The following ZNF131 variants were observed in gnomAD, a reference collection of about 807,000 sequenced individuals.
The protein encoded by ZNF131 is zinc finger and BTB domain containing 35, also known as zinc finger protein 131.
In ZNF131, 7 loss-of-function variants were observed where a neutral mutation model predicts 60.0. The ratio of observed to expected loss-of-function variants is 0.12; its 90% CI spans 0.07 to 0.22. ZNF131 has a LOEUF of 0.22. Ranked by LOEUF, ZNF131 falls within the 10% of genes least tolerant of loss-of-function variation. The pLI is 1.00. For synonymous variants in ZNF131, 257 were observed against 253.2 expected (o/e 1.01, Z -0.14); for missense variants, 493 against 740.9 (o/e 0.67, Z 3.88).
chr5:43,135,883 C>T (rs576729519), intron 3 of ZNF131, among the ~76,000 whole-genome samples: 8 of 151,852 alleles, frequency 5.3e-5, no homozygotes, highest in South Asian at 4.2e-4. Context: ...TTTGGGAGGC[C>T]GAGGCGGGCA....
intron 4 of ZNF131, among the ~76,000 whole-genome samples, chr5:43,151,238 A>T (rs1428781837): frequency 1.3e-5 from 2 of 152,144 alleles, no homozygotes; most frequent in Non-Finnish European, 2.9e-5. Flanking sequence ...TAATTGGATT[A>T]CTCCTATTAG....
chr5:43,159,707 A>AAC (rs1749404267), intron 4 of ZNF131, among the ~76,000 whole-genome samples: 1 of 151,518 alleles, frequency 6.6e-6, no homozygotes, highest in Non-Finnish European at 1.5e-5. Flanking sequence ...AAAAAAAAAA[A>AAC]AAAAAACCAA....
At chr5:43,151,794 G>A (rs1170891882) in intron 4 of ZNF131, among the ~76,000 whole-genome samples, 1 of 152,138 alleles carries the variant, frequency 6.6e-6, no homozygotes. Context: ...AAGAAGCACA[G>A]TCCCAGGGGC....
chr5:43,153,351 G>A (rs976888852), intron 4 of ZNF131, among the ~76,000 whole-genome samples: 4 of 151,702 alleles, frequency 2.6e-5, no homozygotes, highest in South Asian at 2.1e-4. Flanking sequence ...CGGGCCAGGC[G>A]CGGTGGTTAA....
chr5:43,161,935 A>G lies in ZNF131; in HGVS notation c.1054+4A>G. On this transcript the variant is annotated splice_donor_region_variant and intron_variant, in intron 5 of 6. Coordinates refer to ENST00000682664, the MANE Select transcript of ZNF131 (RefSeq NM_001330707.2). ...GAACATCTTCGAAAACATACAGGTA[A>G]TGAGCAAATACTTTGTTAAAATTTT... is the stretch of plus-strand genomic sequence containing the variant. 1 of 1,565,688 alleles carries G rather than the reference A, an allele frequency of 6.4e-7. No homozygotes were observed. The highest frequency in any genetic ancestry group is 1.4e-5 in the African/African-American group (1 of 72,704).
intron 3 of ZNF131, among the ~76,000 whole-genome samples, chr5:43,134,289 T>A (rs1294675914): frequency 6.6e-6 from 1 of 152,134 alleles, no homozygotes; most frequent in African/African-American, 2.4e-5. Flanking sequence ...AGTATCTCAA[T>A]AGATGAAGAA....
At chr5:43,152,444 T>G (rs1175355852) in intron 4 of ZNF131, among the ~76,000 whole-genome samples, 1 of 152,142 alleles carries the variant, frequency 6.6e-6, no homozygotes, top group Non-Finnish European at 1.5e-5. Context: ...TCCCCAGCTG[T>G]TTTTAGAAGA....
chr5:43,163,408 A>C (rs1320779635), intron 5 of ZNF131, among the ~76,000 whole-genome samples: 2 of 152,224 alleles, frequency 1.3e-5, no homozygotes, highest in African/African-American at 4.8e-5. Flanking sequence ...CAGGGAGCTG[A>C]GGAGAATAAG....
chr5:43,165,642 G>A (rs139013415), intron 5 of ZNF131, among the ~76,000 whole-genome samples: 18 of 152,290 alleles, frequency 1.2e-4, no homozygotes, highest in African/African-American at 3.1e-4. Context: ...TTGTTCTTCC[G>A]TTTCTGTAGC....
Position 43,175,112 on chromosome 5 carries a change from A to G in ZNF131, c.1851A>G (p.Thr617=). The stretch of plus-strand genomic sequence containing the variant: ...AAAAGGCAGAGAATGAGGACAGAAC[A>G]GCTCTGCCAGTTTTAGAATGAAATT... The part of the protein sequence containing the change: ...EAEKAENEDR[T]ALPVLE Residue 617 remains threonine (T), a synonymous_variant, in exon 7 of 7, where the codon ACA becomes ACG. Coordinates refer to ENST00000682664, the MANE Select transcript of ZNF131 (RefSeq NM_001330707.2). 6.2e-7 allele frequency: 1 copy of G among 1,602,354 alleles called. No individual in the cohort carries two copies. Among genetic ancestry groups the G allele is most frequent in the Non-Finnish European group, 8.5e-7 (1 of 1,176,634 alleles).
intron 4 of ZNF131, among the ~76,000 whole-genome samples, chr5:43,151,065 A>C (rs1748245662): frequency 6.6e-6 from 1 of 152,212 alleles, no homozygotes; most frequent in Admixed American, 6.5e-5. Context: ...ACAATTATAC[A>C]GGCTCCACAT....
chr5:43,144,937 T>G (rs1393241662), intron 4 of ZNF131, among the ~76,000 whole-genome samples: 2 of 151,838 alleles, frequency 1.3e-5, no homozygotes, highest in African/African-American at 4.8e-5. Flanking sequence ...AGCTTTTCCT[T>G]ACTGAGCCAA....
intron 4 of ZNF131, among the ~76,000 whole-genome samples, chr5:43,157,728 G>A (rs143685231): frequency 5.9e-5 from 9 of 152,308 alleles, no homozygotes; most frequent in African/African-American, 2.2e-4. Context: ...CTAAATGTCT[G>A]AAATCAAGGT....
intron 5 of ZNF131, among the ~76,000 whole-genome samples, chr5:43,171,912 C>A (rs34242142): frequency 0.092 from 14,069 of 152,198 alleles, 786 homozygotes; most frequent in East Asian, 0.19. Flanking sequence ...GAGCCACCGC[C>A]CCGGGCCAGC....
intron 4 of ZNF131, among the ~76,000 whole-genome samples, chr5:43,159,695 CAAAAA>C (rs35599400): frequency 1.1e-5 from 1 of 93,402 alleles, no homozygotes. Flanking sequence ...TACTCTGTCT[CAAAAA>C]AAAAAAAAAA....
intron 5 of ZNF131, among the ~76,000 whole-genome samples, chr5:43,165,981 A>T (rs1213950294): frequency 1.3e-5 from 2 of 152,196 alleles, no homozygotes; most frequent in Non-Finnish European, 2.9e-5. Flanking sequence ...TTTATGTTAT[A>T]GAAATTCCTT....
chr5:43,174,663 T>G lies in ZNF131; in HGVS notation c.1402T>G (p.Ser468Ala), dbSNP rs774802526. ...ETRVQTEPVT[S>A]MTIIEQVGKV... ...ACGTGTGCAAACTGAACCTGTAACA[T>G]CAATGACTATTATAGAACAAGTTGG... The change falls in exon 7 of 7, where the codon TCA (serine) becomes GCA (alanine). Residue 468 changes from serine (S) to alanine (A), a missense_variant. Physicochemically the swap from Ser to Ala is moderately conservative, Grantham distance 99. This residue lies in a region of ZNF131 where 202 missense variants were observed against 221.3 expected (regional missense o/e 0.91). Coordinates refer to ENST00000682664, the MANE Select transcript of ZNF131 (RefSeq NM_001330707.2). 6.2e-7 allele frequency: 1 copy of G among 1,614,188 alleles called. No homozygotes were observed. Among genetic ancestry groups the G allele is most frequent in the Non-Finnish European group, 8.5e-7 (1 of 1,180,034 alleles).
chr5:43,158,123 C>G (rs1561431256), intron 4 of ZNF131, among the ~76,000 whole-genome samples: 2 of 152,150 alleles, frequency 1.3e-5, no homozygotes, highest in Non-Finnish European at 2.9e-5. Context: ...CATGCACCGC[C>G]ATGCCTGGCT....
intron 4 of ZNF131, among the ~76,000 whole-genome samples, chr5:43,154,623 C>CAT (rs61253711): frequency 0.66 from 99,587 of 151,788 alleles, 33,227 homozygotes; most frequent in East Asian, 0.84. Context: ...GCCTAAGAAA[C>CAT]AGGGTCCTCT....
Sources: allele counts gnomAD v4.1 joint callset (sites outside exome capture counted in the v4.1 genomes callset), GRCh38; gene constraint gnomAD v4.1.1; regional missense constraint gnomAD v4.1.1; transcripts MANE v1.5; gene names NCBI Gene and HGNC (gene_info 2026-07-23, HGNC 2026-07-21).